SLC47A1: variants seen among roughly 807,000 people sequenced by gnomAD.
The protein encoded by SLC47A1 is multidrug and toxin extrusion protein 1.
A neutral mutation model predicts 65.8 loss-of-function variants in SLC47A1; 58 were observed. The observed-to-expected ratio is 0.88, with a 90% CI of 0.71 to 1.10. The LOEUF (loss-of-function observed/expected upper bound fraction) is 1.10. SLC47A1 is among the 50% of genes least tolerant of loss of function. SLC47A1 has a pLI of 0.00. For synonymous variants in SLC47A1, 285 were observed against 295.0 expected (o/e 0.97, Z 0.35); for missense variants, 706 against 719.2 (o/e 0.98, Z 0.21).
rs34576017 is a variant in SLC47A1 at position 19,567,194 on chromosome 17, C to T, written c.1275C>T (p.Ile425=). 1.1e-4 allele frequency: 177 copies of T among 1,614,064 alleles called. No individual in the cohort carries two copies. Among genetic ancestry groups the T allele is most frequent in the Non-Finnish European group, 1.4e-4 (163 of 1,180,042 alleles). Residue 425 remains isoleucine, a synonymous_variant, in exon 14 of 17, where the codon ATC becomes ATT. Coordinates refer to ENST00000270570, the MANE Select transcript of SLC47A1 (RefSeq NM_018242.3). ...GYYVVGLPIG[I]ALMFATTLGV... ...ATGTGGTTGGCCTCCCCATCGGGAT[C>T]GCGCTGATGTTTGCAACCACACTTG...
chr17:19,549,709 T>C, intron 5 of SLC47A1, 32 bp downstream of exon 5: 1 of 1,612,798 alleles, frequency 6.2e-7, no homozygotes, highest in Non-Finnish European at 8.5e-7. Flanking sequence ...GATTCCCTTC[T>C]TGGGGTCCGT....
chr17:19,549,523 GA>G, intron 4 of SLC47A1, 111 bp from the exon 5 acceptor site: 1 of 1,172,670 alleles, frequency 8.5e-7, no homozygotes. Flanking sequence ...CATTAATCTG[GA>G]AACAGCCAAG....
chr17:19,544,568 C>G (rs1034843266), intron 2 of SLC47A1, among the ~76,000 whole-genome samples: 2 of 152,138 alleles, frequency 1.3e-5, no homozygotes. Flanking sequence ...CTAGGCTCCT[C>G]GAAACTTCAG....
Position 19,555,318 on chromosome 17 carries a change from A to G in SLC47A1, c.641+9A>G, listed in dbSNP as rs753747112. 6.2e-7 allele frequency: 1 copy of G among 1,613,962 alleles called. No homozygotes were observed. Among genetic ancestry groups the G allele is most frequent in the South Asian group, 1.1e-5 (1 of 91,078 alleles). On this transcript the variant is annotated intron_variant, in intron 7 of 16. Coordinates refer to ENST00000270570, the MANE Select transcript of SLC47A1 (RefSeq NM_018242.3). ...CTGCATCTTGGGGTGATGTGAGTCC[A>G]ACATACTCTTGGGACAGGGAGAAGG... is the stretch of plus-strand genomic sequence containing the variant.
At chr17:19,555,091 C>A in intron 6 of SLC47A1, 121 bp from the exon 7 acceptor site, 1 of 834,110 alleles carries the variant, frequency 1.2e-6, no homozygotes, top group Non-Finnish European at 2.1e-6. Context: ...CCAGTTAAGC[C>A]CCCCAGCTAT....
chr17:19,540,128 C>G (rs1916100057), intron 1 of SLC47A1, among the ~76,000 whole-genome samples: 1 of 152,190 alleles, frequency 6.6e-6, no homozygotes, highest in South Asian at 2.1e-4. Flanking sequence ...CCTTTTGTAT[C>G]CGAGACATCT....
chr17:19,548,165 C>A, intron 4 of SLC47A1, 32 bp downstream of exon 4: 1 of 1,593,972 alleles, frequency 6.3e-7, no homozygotes. Flanking sequence ...CGGGACTTGG[C>A]GTCCATCCCA....
chr17:19,567,186 A>C lies in SLC47A1; in HGVS notation c.1267A>C (p.Ile423Leu). 1.9e-6 allele frequency: 3 copies of C among 1,614,186 alleles called. No homozygotes were observed. Among genetic ancestry groups the C allele is most frequent in the Non-Finnish European group, 2.5e-6 (3 of 1,180,030 alleles). The part of the protein sequence containing the change: ...TIGYYVVGLP[I>L]GIALMFATTL... The stretch of plus-strand genomic sequence containing the variant: ...TGGGTACTATGTGGTTGGCCTCCCC[A>C]TCGGGATCGCGCTGATGTTTGCAAC... The change falls in exon 14 of 17, where the codon ATC (isoleucine) becomes CTC (leucine). Residue 423 changes from isoleucine to leucine, a missense_variant. Ile to Leu is a conservative substitution (Grantham distance 5). Transcript: ENST00000270570.
Position 19,567,135 on chromosome 17 carries a change from A to G in SLC47A1, c.1216A>G (p.Lys406Glu), listed in dbSNP as rs1241078940. ...TGTTCTGAGGGGGAGTGGAAATCAGAAGGTTGGAGCCATTGTGAATACCAT... is the reference window on the plus strand; with the variant it reads ...TGTTCTGAGGGGGAGTGGAAATCAGGAGGTTGGAGCCATTGTGAATACCAT... ...GGVLRGSGNQ[K>E]VGAIVNTIGY... Residue 406 changes from lysine to glutamate, a missense_variant, in exon 14 of 17, where the codon AAG (lysine) becomes GAG (glutamate). Coordinates refer to ENST00000270570, the MANE Select transcript of SLC47A1 (RefSeq NM_018242.3). The G allele has an allele frequency of 6.2e-7, 1 of 1,614,186 alleles. No homozygotes were observed. Among genetic ancestry groups the G allele is most frequent in the Non-Finnish European group, 8.5e-7 (1 of 1,180,030 alleles).
rs760705228 is a variant in SLC47A1 at position 19,555,872 on chromosome 17, G to A, written c.816G>A (p.Met272Ile). The change falls in exon 9 of 17, where the codon ATG becomes ATA. Residue 272 changes from methionine to isoleucine, a missense_variant. Transcript: ENST00000270570. Reference sequence around the variant, plus strand: ...TCCCCAGCATGCTCATGCTGTGCATGGAGTGGTGGGCCTATGAGGTCGGGA... The same window carrying A: ...TCCCCAGCATGCTCATGCTGTGCATAGAGTGGTGGGCCTATGAGGTCGGGA... ...LAIPSMLMLC[M>I]EWWAYEVGSF... is the part of the protein sequence containing the mutation. The A allele has an allele frequency of 6.2e-7, 1 of 1,613,976 alleles. No homozygotes were observed. The highest frequency in any genetic ancestry group is 1.7e-5 in the Admixed American group (1 of 60,030).
At chr17:19,557,577 G>T (rs755120219) in intron 10 of SLC47A1, 11 of 515,944 alleles carry the variant, frequency 2.1e-5, no homozygotes, top group Non-Finnish European at 3.9e-5. Flanking sequence ...GTATGTTCAC[G>T]GGGCGATGCT....
At position 19,560,402 on chromosome 17, in the gene SLC47A1, C is replaced by A. The variant is rs745664169; in HGVS notation, c.1031-16C>A. 3.7e-6 allele frequency: 6 copies of A among 1,613,964 alleles called. No individual in the cohort carries two copies. Among genetic ancestry groups the A allele is most frequent in the Non-Finnish European group, 5.1e-6 (6 of 1,179,968 alleles). ...CTTGTTCACTGTGTTGTTTCTTCTG[C>A]CGTTTTTACCTTCAGTGCTCTTTGC... On this transcript the variant is annotated splice_polypyrimidine_tract_variant and intron_variant, in intron 11 of 16. Coordinates refer to ENST00000270570, the MANE Select transcript of SLC47A1 (RefSeq NM_018242.3).
chr17:19,575,089 CTCTT>C (rs1457952438), intron 16 of SLC47A1, among the ~76,000 whole-genome samples: 1 of 112,712 alleles, frequency 8.9e-6, no homozygotes, highest in Admixed American at 8.8e-5. Context: ...CCCTTTTTCT[CTCTT>C]TCTCTCTTTC....
intron 12 of SLC47A1, among the ~76,000 whole-genome samples, chr17:19,561,555 A>G (rs1041887010): frequency 6.6e-6 from 1 of 150,572 alleles, no homozygotes; most frequent in African/African-American, 2.4e-5. Flanking sequence ...AGGTAGGAGA[A>G]TGGCGTGAAC....
Position 19,549,688 on chromosome 17 carries a change from A to G in SLC47A1, c.498+11A>G, listed in dbSNP as rs529803145. The stretch of plus-strand genomic sequence containing the variant: ...ATTCCAGCTCTTCCTGTAAGTGCTC[A>G]AGGGCTAAGAGATTCCCTTCTTGGG... On this transcript the variant is annotated intron_variant, in intron 5 of 16. Coordinates refer to ENST00000270570, the MANE Select transcript of SLC47A1 (RefSeq NM_018242.3). The G allele has an allele frequency of 1.7e-5, 27 of 1,614,072 alleles. No homozygotes were observed. In the South Asian group the frequency reaches 2.9e-4, roughly 17 times the overall value.
intron 12 of SLC47A1, among the ~76,000 whole-genome samples, chr17:19,560,878 T>TAA (rs773197178): frequency 7.8e-4 from 91 of 116,156 alleles, no homozygotes; most frequent in African/African-American, 2.7e-3. Flanking sequence ...GACTCCGTCT[T>TAA]AAAAAAAAAA....
At chr17:19,576,908 C>T (rs2453598) in intron 16 of SLC47A1, among the ~76,000 whole-genome samples, 24,734 of 152,034 alleles carry the variant, frequency 0.16, 2,049 homozygotes, top group East Asian at 0.23. Flanking sequence ...CCACCATGTC[C>T]GGCTAATTTT....
intron 6 of SLC47A1, 32 bp downstream of exon 6, chr17:19,551,500 C>T: frequency 6.3e-7 from 1 of 1,591,252 alleles, no homozygotes; most frequent in Non-Finnish European, 8.6e-7. Flanking sequence ...CTTTGGGAGG[C>T]TAATGGGAGT....
chr17:19,574,143 G>A (rs1482429716), intron 16 of SLC47A1, among the ~76,000 whole-genome samples: 2 of 151,468 alleles, frequency 1.3e-5, no homozygotes, highest in African/African-American at 2.4e-5. Context: ...GGCTGGTCTC[G>A]AACTCCTGAC....
Sources: allele counts gnomAD v4.1 joint callset (sites outside exome capture counted in the v4.1 genomes callset), GRCh38; gene constraint gnomAD v4.1.1; transcripts MANE v1.5; gene names NCBI Gene and HGNC (gene_info 2026-07-23, HGNC 2026-07-21).